Variants in ZNF670 observed in about 807,000 individuals in gnomAD.
ZNF670 encodes zinc finger protein 670.
ZNF670 carries 7 observed loss-of-function variants against 10.9 expected under a neutral mutation model. The observed-to-expected ratio is 0.64, with a 90% CI of 0.36 to 1.20. ZNF670 has a LOEUF of 1.20. Ranked by LOEUF, ZNF670 falls within the 50% of genes most tolerant of loss-of-function variation. The pLI is 0.02. For missense variants in ZNF670, 446 were observed against 458.6 expected, an observed-to-expected ratio of 0.97 and a Z score of 0.25; for synonymous variants, 136 against 152.7, an observed-to-expected ratio of 0.89 and a Z score of 0.81.
Position 247,048,823 on chromosome 1 carries a change from C to T in ZNF670, c.4-9286G>A, listed in dbSNP as rs190543062. Among the ~76,000 whole-genome samples, 290 of 152,262 alleles carry T rather than the reference C, an allele frequency of 1.9e-3. 3 individuals carry two copies. Among genetic ancestry groups the T allele is most frequent in the African/African-American group, 6.7e-3 (280 of 41,570 alleles). On this transcript the variant is annotated intron_variant, in intron 1 of 3. Coordinates refer to ENST00000366503, the MANE Select transcript of ZNF670 (RefSeq NM_033213.5). ...AAACACTCATCAAACCATCAGATTT[C>T]GTGAGAACAATTACTTCCACCTGGT...
intron 1 of ZNF670, among the ~76,000 whole-genome samples, chr1:247,053,992 G>A (rs180811673): frequency 1.3e-5 from 2 of 152,346 alleles, no homozygotes; most frequent in African/African-American, 4.8e-5. Flanking sequence ...TTACCTGGCA[G>A]CAGCCGCATA....
intron 1 of ZNF670, among the ~76,000 whole-genome samples, chr1:247,063,132 G>A (rs1445125468): frequency 6.6e-6 from 1 of 152,160 alleles, no homozygotes; most frequent in African/African-American, 2.4e-5. Flanking sequence ...AAAGTGTTCA[G>A]AAACAAATCA....
chr1:247,065,337 T>C (rs1670956526), intron 1 of ZNF670, among the ~76,000 whole-genome samples: 1 of 152,230 alleles, frequency 6.6e-6, no homozygotes, highest in Admixed American at 6.5e-5. Context: ...AGCCAGACTC[T>C]GCTGAAATGC....
rs186216139 is a variant in ZNF670 at position 247,065,026 on chromosome 1, T to C, written c.3+13568A>G. On this transcript the variant is annotated intron_variant, in intron 1 of 3. Transcript: ENST00000366503. ...GTTTTACCATGTTGCCCAGCTCGTC[T>C]TGAACTCCTGAGCTCAAGTGATCCA... is the stretch of plus-strand genomic sequence containing the variant. Among the ~76,000 whole-genome samples, 7 of 152,260 alleles carry C rather than the reference T, an allele frequency of 4.6e-5. No individual in the cohort carries two copies. The East Asian group carries it at 7.7e-4, about 17-fold the overall frequency.
intron 1 of ZNF670, among the ~76,000 whole-genome samples, chr1:247,065,412 A>G (rs1670957887): frequency 6.6e-6 from 1 of 152,246 alleles, no homozygotes; most frequent in Non-Finnish European, 1.5e-5. Context: ...CTCCGTGAGC[A>G]TAACATGCCC....
chr1:247,070,127 G>A (rs1254521463), intron 1 of ZNF670, among the ~76,000 whole-genome samples: 5 of 151,838 alleles, frequency 3.3e-5, no homozygotes, highest in African/African-American at 7.2e-5. Flanking sequence ...TACTTAGTAT[G>A]TACCCACAAA....
At position 247,037,989 on chromosome 1, in the gene ZNF670, A is replaced by C. The variant is rs1465556318; in HGVS notation, c.630T>G (p.Ser210Arg). Residue 210 changes from serine (S) to arginine (R), a missense_variant, in exon 4 of 4, where the codon AGT becomes AGG. Transcript: ENST00000366503. ...GAGTTCTTTCATGTTCACGAAGATA[A>C]CTTGAATAATTGAAGGCTTTATCAC... is the stretch of plus-strand genomic sequence containing the variant. Reference protein sequence around the residue: ...KHCDKAFNYSSYLREHERTHT... With the variant: ...KHCDKAFNYSRYLREHERTHT... 3.1e-6 allele frequency: 5 copies of C among 1,613,424 alleles called. No individual in the cohort carries two copies. The highest frequency in any genetic ancestry group is 1.7e-6 in the Non-Finnish European group (2 of 1,179,786).
chr1:247,038,058 A>C lies in ZNF670; in HGVS notation c.561T>G (p.Pro187=). The change falls in exon 4 of 4, where the codon CCT becomes CCG. Residue 187 remains proline (P), a synonymous_variant. Coordinates refer to ENST00000366503, the MANE Select transcript of ZNF670 (RefSeq NM_033213.5). ...PFDFPSVFQM[P]QSTYTGEKTY... ...TTTTCTCTCCAGTGTAAGTGCTCTG[A>C]GGCATTTGAAATACACTAGGAAAAT... is the stretch of plus-strand genomic sequence containing the variant. The C allele has an allele frequency of 6.2e-7, 1 of 1,614,152 alleles. No homozygotes were observed. Among genetic ancestry groups the C allele is most frequent in the Non-Finnish European group, 8.5e-7 (1 of 1,179,998 alleles).
intron 2 of ZNF670, among the ~76,000 whole-genome samples, chr1:247,039,135 T>C (rs185270523): frequency 1.5e-3 from 218 of 149,520 alleles, no homozygotes; most frequent in African/African-American, 4.9e-3. Flanking sequence ...CTCGGCTCAC[T>C]GCAACCTCCA....
At chr1:247,078,551 G>C (rs765488541) in intron 1 of ZNF670, 43 bp downstream of exon 1, 3 of 1,613,056 alleles carry the variant, frequency 1.9e-6, no homozygotes, top group Non-Finnish European at 2.5e-6. Flanking sequence ...CTTCCTGGCG[G>C]TTCCCTTTTC....
Position 247,072,819 on chromosome 1 carries a change from T to C in ZNF670, c.3+5775A>G, listed in dbSNP as rs1482865124. On this transcript the variant is annotated intron_variant, in intron 1 of 3. Transcript: ENST00000366503. Reference sequence around the variant, plus strand: ...AAAAGTGTGTGTATATATATATATATATATATATATATATATATATGCATA... The same window carrying C: ...AAAAGTGTGTGTATATATATATATACATATATATATATATATATATGCATA... Among the ~76,000 whole-genome samples, 57 of 63,100 alleles carry C rather than the reference T, an allele frequency of 9.0e-4. 2 individuals carry two copies. Among genetic ancestry groups the C allele is most frequent in the African/African-American group, 5.5e-3 (53 of 9,616 alleles). The allele number at this position is 63,100 out of a possible 152,430, so 41.4% of individuals were successfully genotyped here.
At chr1:247,050,014 A>C (rs956063440) in intron 1 of ZNF670, among the ~76,000 whole-genome samples, 1 of 152,228 alleles carries the variant, frequency 6.6e-6, no homozygotes, top group Non-Finnish European at 1.5e-5. Context: ...GTTGAGTAGA[A>C]TATTCTGTAA....
Position 247,036,499 on chromosome 1 carries a change from T to G in ZNF670, c.*950A>C, listed in dbSNP as rs979467612. 6.6e-6 allele frequency among the ~76,000 whole-genome samples: 1 copy of G among 152,042 alleles called. No homozygotes were observed. The highest frequency in any genetic ancestry group is 1.5e-5 in the Non-Finnish European group (1 of 68,004). ...GAGATCCCATCTCTATAAAAAATTT[T>G]TAAAATTATATAATTAGCTGAGCAT... On this transcript the variant is annotated 3_prime_UTR_variant, in exon 4 of 4. Coordinates refer to ENST00000366503, the MANE Select transcript of ZNF670 (RefSeq NM_033213.5).
At chr1:247,051,606 G>C (rs1336692030) in intron 1 of ZNF670, among the ~76,000 whole-genome samples, 1 of 152,004 alleles carries the variant, frequency 6.6e-6, no homozygotes, top group African/African-American at 2.4e-5. Flanking sequence ...TTATCTTTTT[G>C]TGATACATTT....
intron 1 of ZNF670, among the ~76,000 whole-genome samples, chr1:247,064,607 C>T (rs968908097): frequency 6.6e-6 from 1 of 152,160 alleles, no homozygotes; most frequent in Non-Finnish European, 1.5e-5. Flanking sequence ...CTCAGGGGCA[C>T]AGCATGGACA....
At position 247,037,662 on chromosome 1, in the gene ZNF670, T is replaced by C. The variant is rs373991730; in HGVS notation, c.957A>G (p.Lys319=). ...CATGCTCACATAGGTTACTAGAATATTTGAAGGCTTTACCACATTGTTTAC... is the reference window on the plus strand; with the variant it reads ...CATGCTCACATAGGTTACTAGAATACTTGAAGGCTTTACCACATTGTTTAC... ...YECKQCGKAF[K]YSSNLCEHER... The change falls in exon 4 of 4, where the codon AAA becomes AAG. Residue 319 remains lysine (K), a synonymous_variant. Transcript: ENST00000366503. 2 of 1,613,832 alleles carry C rather than the reference T, an allele frequency of 1.2e-6. No individual in the cohort carries two copies. The highest frequency in any genetic ancestry group is 2.7e-5 in the African/African-American group (2 of 74,896).
At position 247,035,709 on chromosome 1, in the gene ZNF670, C is replaced by T. The variant is rs1313138496; in HGVS notation, c.*1740G>A. ...AGACATGCTATATATACAGATGATGCTATACTATATGGTATACTAGGGCAC... is the reference window on the plus strand; with the variant it reads ...AGACATGCTATATATACAGATGATGTTATACTATATGGTATACTAGGGCAC... On this transcript the variant is annotated 3_prime_UTR_variant, in exon 4 of 4. Coordinates refer to ENST00000366503, the MANE Select transcript of ZNF670 (RefSeq NM_033213.5). Among the ~76,000 whole-genome samples the T allele has an allele frequency of 6.6e-6, 1 of 152,134 alleles. No individual in the cohort carries two copies. The highest frequency in any genetic ancestry group is 1.5e-5 in the Non-Finnish European group (1 of 68,038).
intron 1 of ZNF670, among the ~76,000 whole-genome samples, chr1:247,051,611 A>G (rs1404903461): frequency 6.6e-6 from 1 of 152,166 alleles, no homozygotes; most frequent in Admixed American, 6.5e-5. Flanking sequence ...TTTTTGTGAT[A>G]CATTTTCCAG....
chr1:247,064,885 A>T (rs1572569444), intron 1 of ZNF670, among the ~76,000 whole-genome samples: 1 of 151,986 alleles, frequency 6.6e-6, no homozygotes, highest in Non-Finnish European at 1.5e-5. Flanking sequence ...GCTCACTGCA[A>T]TCTCCATCTC....
Sources: allele counts gnomAD v4.1 joint callset (sites outside exome capture counted in the v4.1 genomes callset), GRCh38; gene constraint gnomAD v4.1.1; transcripts MANE v1.5; gene names NCBI Gene and HGNC (gene_info 2026-07-23, HGNC 2026-07-21).